SLC19A1: variants seen among roughly 807,000 people sequenced by gnomAD.
The protein encoded by SLC19A1 is solute carrier family 19 member 1.
In SLC19A1, 37 loss-of-function variants were observed where a neutral mutation model predicts 35.3. The ratio of observed to expected loss-of-function variants is 1.05; its 90% CI spans 0.81 to 1.38. The LOEUF (loss-of-function observed/expected upper bound fraction) is 1.38. Among genes scored for constraint, SLC19A1 ranks in the 40% most tolerant of loss-of-function variants. The pLI is 0.00. For synonymous variants in SLC19A1, 460 were observed against 398.5 expected, an observed-to-expected ratio of 1.15 and a Z score of -1.84; for missense variants, 831 against 826.9, an observed-to-expected ratio of 1.00 and a Z score of -0.06.
chr21:45,507,741 TGCAGGACACCCCACTACCTCTGTCTCAGC>T (rs1277817923), downstream of SLC19A1: 1 of 773,752 alleles, frequency 1.3e-6, no homozygotes, highest in Non-Finnish European at 2.2e-6. Context: ...CAGAAACTGG[TGCAGGACACCCCACTACCTCTGTCTCAGC>T]GCTGGCCCCC....
Position 45,531,407 on chromosome 21 carries a change from C to A in SLC19A1, c.931G>T (p.Ala311Ser). Reference protein sequence around the residue: ...SARVYNGAADAASTLLGAITS... With the variant: ...SARVYNGAADSASTLLGAITS... ...TGCGTACCCAGCAGCGTGGAGGCAG[C>A]ATCTGCCGCGCCGTTGTAGACCCGC... The change falls in exon 3 of 6, where the codon GCT becomes TCT. Residue 311 changes from alanine to serine, a missense_variant. By Grantham distance (99) the Ala-to-Ser change is moderately conservative. Transcript: ENST00000311124. The A allele has an allele frequency of 6.3e-7, 1 of 1,587,418 alleles. No individual in the cohort carries two copies. Among genetic ancestry groups the A allele is most frequent in the Non-Finnish European group, 8.6e-7 (1 of 1,165,444 alleles).
chr21:45,510,000 G>A (rs866876806), downstream of SLC19A1: 25 of 1,510,980 alleles, frequency 1.7e-5, no homozygotes, highest in African/African-American at 5.5e-5. Context: ...GGGGTGGTGC[G>A]CCCGGGGCCT....
downstream of SLC19A1, chr21:45,509,664 G>C (rs2037455788): frequency 1.1e-6 from 1 of 915,482 alleles, no homozygotes; most frequent in Admixed American, 2.0e-5. Context: ...CAGCAGAAGA[G>C]GGCCCAGCCC....
At chr21:45,516,363 A>G (rs115699853) in intron 5 of SLC19A1, among the ~76,000 whole-genome samples, 267 of 152,200 alleles carry the variant, frequency 1.8e-3, no homozygotes, top group African/African-American at 6.0e-3. Flanking sequence ...GGTTCCCACC[A>G]TTTCCCAAGA....
intron 5 of SLC19A1, among the ~76,000 whole-genome samples, 199 bp from the exon 6 acceptor site, chr21:45,516,339 C>T (rs1216903039): frequency 6.6e-6 from 1 of 152,206 alleles, no homozygotes; most frequent in African/African-American, 2.4e-5. Flanking sequence ...CCACCTGGCA[C>T]AGGCCTGAAG....
At position 45,505,383 on chromosome 21, in the gene SLC19A1, C is replaced by CCCCCCTGGG. The variant is rs571597296; in HGVS notation, c.498-6780_498-6772dup. On this transcript the variant is annotated intron_variant, in intron 3 of 4. Transcript: ENST00000417954. ...CTATCAGCGTTCCCGGCCCTCCGGG[C>CCCCCCTGGG]CCCCCTGGGCCCCCTGGGCCCCCTG... The CCCCCCTGGG allele has an allele frequency of 1.0e-3, 1,657 of 1,585,026 alleles. 4 individuals carry two copies. The highest frequency in any genetic ancestry group is 2.4e-3 in the East Asian group (107 of 44,660).
chr21:45,505,841 A>G, intron 3 of SLC19A1: 2 of 1,589,330 alleles, frequency 1.3e-6, no homozygotes, highest in Non-Finnish European at 1.7e-6. Flanking sequence ...CCAGCAGGTG[A>G]GGCTCTGGGC....
rs1161300700 is a variant in SLC19A1, at chr21:45,515,805, A to C, written c.1629T>G (p.Pro543=). 1 of 1,611,986 alleles carries C rather than the reference A, an allele frequency of 6.2e-7. No homozygotes were observed. The highest frequency in any genetic ancestry group is 8.5e-7 in the Non-Finnish European group (1 of 1,178,816). The change falls in exon 6 of 6, where the codon CCT becomes CCG. Residue 543 remains proline (P), a synonymous_variant. Transcript: ENST00000311124. ...AAEFLSPVTT[P]SPCTLCSAQA... Reference sequence around the variant, plus strand: ...GGGCGGAGCACAGAGTGCAGGGGGAAGGGGTTGTCACTGGGCTCAGGAATT... The same window carrying C: ...GGGCGGAGCACAGAGTGCAGGGGGACGGGGTTGTCACTGGGCTCAGGAATT...
chr21:45,562,554 A>G (rs2078625603), intron 1 of SLC19A1, among the ~76,000 whole-genome samples: 1 of 152,200 alleles, frequency 6.6e-6, no homozygotes, highest in African/African-American at 2.4e-5. Flanking sequence ...ACGTGAAACA[A>G]ACGGGTTGAG....
rs778276232 is a variant in SLC19A1 at position 45,530,173 on chromosome 21, G to A, written c.1151+597C>T. 1.3e-4 allele frequency among the ~76,000 whole-genome samples: 19 copies of A among 150,328 alleles called. No homozygotes were observed. The highest frequency in any genetic ancestry group is 4.2e-4 in the South Asian group (2 of 4,708). On this transcript the variant is annotated intron_variant, in intron 4 of 5. Coordinates refer to ENST00000311124, the MANE Select transcript of SLC19A1 (RefSeq NM_194255.4). This position sits in a 1 kb window ranked among gnomAD's most constrained non-coding sequence, Gnocchi z 5.3. ...TTGTGTGTCCGTGTGTGTGTGGTGC[G>A]TCCATGTGTAGTGGGTGTCCATGTG...
At chr21:45,508,440 T>TGAGTGGATGGGTGGCTGGATGGTGGAC (rs1568948894), downstream of SLC19A1, among the ~76,000 whole-genome samples, 12 of 113,426 alleles carry the variant, frequency 1.1e-4, no homozygotes, top group African/African-American at 4.8e-4. Flanking sequence ...GGATGGTGGG[T>TGAGTGGATGGGTGGCTGGATGGTGGAC]AAGTGGGTGA....
intron 1 of SLC19A1, among the ~76,000 whole-genome samples, chr21:45,556,603 C>A (rs1429854717): frequency 6.6e-6 from 1 of 152,266 alleles, no homozygotes; most frequent in Non-Finnish European, 1.5e-5. Context: ...AAACACCGTG[C>A]AGACGAAACC....
chr21:45,517,808 G>GC lies in SLC19A1; in HGVS notation c.1294-1669dup, dbSNP rs1359653177. Among the ~76,000 whole-genome samples the GC allele has an allele frequency of 6.6e-6, 1 of 151,488 alleles. No individual in the cohort carries two copies. Among genetic ancestry groups the GC allele is most frequent in the Non-Finnish European group, 1.5e-5 (1 of 67,856 alleles). On this transcript the variant is annotated intron_variant, in intron 5 of 5. Transcript: ENST00000311124. The surrounding 1 kb of genome is among the most constrained non-coding windows in gnomAD (Gnocchi z 4.4). ...CATCCTTGCCTGGCAACAAGAAGGA[G>GC]CCCCCACCCAGCCACCCACCCTCCC...
chr21:45,504,393 G>A, intron 3 of SLC19A1: 1 of 1,608,146 alleles, frequency 6.2e-7, no homozygotes, highest in Non-Finnish European at 8.5e-7. Flanking sequence ...GGGCTCCCGT[G>A]TAACAAGTGT....
At chr21:45,505,785 C>CG in intron 3 of SLC19A1, 2 of 1,341,196 alleles carry the variant, frequency 1.5e-6, no homozygotes, top group Non-Finnish European at 2.1e-6. Context: ...CCTTCCGCCC[C>CG]TGCCCCCCGC....
chr21:45,506,619 G>C, intron 3 of SLC19A1: 1 of 174,936 alleles, frequency 5.7e-6, no homozygotes, highest in South Asian at 1.2e-4. Context: ...GTGAGGACGG[G>C]TAGAAGCCCC....
At chr21:45,506,087 T>C (rs1277826326) in intron 3 of SLC19A1, 2 of 1,478,220 alleles carry the variant, frequency 1.4e-6, no homozygotes, top group Non-Finnish European at 1.9e-6. Context: ...AGCCAGCGCT[T>C]CTTAAACTTT....
At chr21:45,528,068 G>A (rs561161065) in intron 4 of SLC19A1, among the ~76,000 whole-genome samples, 19 of 152,082 alleles carry the variant, frequency 1.2e-4, no homozygotes, top group African/African-American at 2.7e-4. Context: ...CACTGGAGAC[G>A]GGGGGACAGT....
At chr21:45,520,558 G>GTA (rs1407165929) in intron 5 of SLC19A1, among the ~76,000 whole-genome samples, 1 of 152,192 alleles carries the variant, frequency 6.6e-6, no homozygotes, top group Non-Finnish European at 1.5e-5. Flanking sequence ...CAACGAACAT[G>GTA]TATACACTGT....
Sources: gnomAD v4.1 joint callset for allele counts (sites outside exome capture counted in the v4.1 genomes callset) on GRCh38, gnomAD v4.1.1 for gene constraint, Gnocchi (gnomAD v3.1) non-coding constraint, MANE v1.5 for transcripts, NCBI Gene and HGNC (gene_info 2026-07-23, HGNC 2026-07-21) for gene names.